EDA: variants seen among roughly 807,000 people sequenced by gnomAD.
EDA encodes ectodysplasin-A.
EDA carries 2 observed loss-of-function variants against 23.6 expected under a neutral mutation model. The observed-to-expected ratio is 0.08, with a 90% CI of 0.03 to 0.27. The LOEUF is 0.27. Ranked by LOEUF, EDA falls within the 10% of genes least tolerant of loss-of-function variation. The probability of loss-of-function intolerance (pLI) is 1.00; values close to 1 mark genes in which losing one functional copy is unlikely to be tolerated. For synonymous variants in EDA, 131 were observed against 132.0 expected (o/e 0.99, Z 0.05); for missense variants, 229 against 324.2 (o/e 0.71, Z 2.26).
At chrX:69,722,358 A>G (rs1375714919) in intron 1 of EDA, among the ~76,000 whole-genome samples, 1 of 109,472 alleles carries the variant, frequency 9.1e-6, no homozygotes, top group Non-Finnish European at 1.9e-5. Flanking sequence ...GGTGCCCACC[A>G]CCACGCCTGG....
Position 69,910,374 on chromosome X carries a change from A to AGAGAGAGT in EDA, c.397-46652_397-46651insAGAGAGTG, listed in dbSNP as rs1191245556. On this transcript the variant is annotated intron_variant, in intron 1 of 7. Coordinates refer to ENST00000374552, the MANE Select transcript of EDA (RefSeq NM_001399.5). Reference sequence around the variant, plus strand: ...AGGAGAGAGAGAGAGAGAGAGAGAGAGTGTGTGTGTGTGTGTGTGTGTGTG... The same window carrying AGAGAGAGT: ...AGGAGAGAGAGAGAGAGAGAGAGAGAGAGAGAGTGTGTGTGTGTGTGTGTGTGTGTGTG... Among the ~76,000 whole-genome samples, 237 of 41,757 alleles carry AGAGAGAGT rather than the reference A, an allele frequency of 5.7e-3. 3 individuals carry two copies. Among genetic ancestry groups the AGAGAGAGT allele is most frequent in the East Asian group, 0.033 (44 of 1,352 alleles). The allele number at this position is 41,757 out of a possible 115,157, so 36.3% of individuals were successfully genotyped here.
intron 1 of EDA, among the ~76,000 whole-genome samples, chrX:69,815,592 G>A (rs1347381821): frequency 1.8e-5 from 2 of 111,380 alleles, no homozygotes; most frequent in African/African-American, 6.5e-5. Flanking sequence ...TCTTTAATTG[G>A]GACCCCAATC....
intron 6 of EDA, 33 bp from the exon 7 acceptor site, chrX:70,033,365 T>C (rs1403327655): frequency 8.3e-7 from 1 of 1,210,919 alleles, no homozygotes; most frequent in Middle Eastern, 2.3e-4. Flanking sequence ...TATTCTGACA[T>C]GTACTGAGTG....
At chrX:69,757,693 T>C (rs918939955) in intron 1 of EDA, among the ~76,000 whole-genome samples, 3 of 112,346 alleles carry the variant, frequency 2.7e-5, no homozygotes, top group Non-Finnish European at 1.9e-5. Flanking sequence ...AGCTGAACTT[T>C]CATAACGAAG....
chrX:69,755,224 G>A (rs536061582), intron 1 of EDA, among the ~76,000 whole-genome samples: 9 of 111,775 alleles, frequency 8.1e-5, no homozygotes, highest in African/African-American at 2.3e-4. Context: ...TGATGGTGAC[G>A]TACAGATAGG....
intron 1 of EDA, among the ~76,000 whole-genome samples, chrX:69,635,238 T>C (rs913244586): frequency 1.8e-5 from 2 of 112,212 alleles, no homozygotes; most frequent in African/African-American, 3.2e-5. Flanking sequence ...GTGATCTCTT[T>C]TAAATTCATG....
intron 2 of EDA, among the ~76,000 whole-genome samples, chrX:70,015,812 A>G (rs749985100): frequency 8.9e-6 from 1 of 111,842 alleles, no homozygotes; most frequent in South Asian, 3.8e-4. Flanking sequence ...CAACTATACA[A>G]TCAAGTCTAC....
chrX:69,637,474 T>G (rs1302146284), intron 1 of EDA, among the ~76,000 whole-genome samples: 2 of 111,178 alleles, frequency 1.8e-5, no homozygotes, highest in Non-Finnish European at 3.8e-5. Flanking sequence ...ATTAATGAGA[T>G]TGGGTTCTGT....
chrX:69,663,272 G>A lies in EDA; in HGVS notation c.396+46568G>A, dbSNP rs1933571268. Among the ~76,000 whole-genome samples the A allele has an allele frequency of 5.4e-5, 6 of 111,817 alleles. No homozygotes were observed. In the South Asian group the frequency reaches 2.2e-3, roughly 41 times the overall value. On this transcript the variant is annotated intron_variant, in intron 1 of 7. Transcript: ENST00000374552. ...AGGCATAAGAGGAAAAATTGGTTTCGTGAGCCTGGGTCCAGGGATCCCCCT... is the reference window on the plus strand; with the variant it reads ...AGGCATAAGAGGAAAAATTGGTTTCATGAGCCTGGGTCCAGGGATCCCCCT...
rs2016911356 is a variant in EDA at position 69,842,246 on chromosome X, C to T, written c.397-114781C>T. Among the ~76,000 whole-genome samples the T allele has an allele frequency of 2.7e-5, 3 of 111,659 alleles. No homozygotes were observed. The South Asian group carries it at 1.1e-3, about 43-fold the overall frequency. On this transcript the variant is annotated intron_variant, in intron 1 of 7. Coordinates refer to ENST00000374552, the MANE Select transcript of EDA (RefSeq NM_001399.5). ...ATACGAGGGATCTAGGTTGCGTGCT[C>T]CTTATGAGAATCTAATGTCTGGTGA...
intron 1 of EDA, chrX:69,729,031 G>A (rs2012917372): frequency 9.0e-6 from 1 of 111,635 alleles, no homozygotes; most frequent in Non-Finnish European, 1.9e-5. Context: ...TTGATGCAGA[G>A]ATTCTTAGGA....
At chrX:69,787,899 C>G (rs1399751825) in intron 1 of EDA, among the ~76,000 whole-genome samples, 4 of 111,277 alleles carry the variant, frequency 3.6e-5, no homozygotes, top group East Asian at 2.8e-4. Flanking sequence ...TCCAACTTGG[C>G]TCCATTCTCC....
rs902189392 is a variant in EDA, at chrX:70,030,347, G to C, written c.742-122G>C. ...GTAGTCAGTAACATCCCAAGACAGG[G>C]GAGAGGGATCAGAATTGGATTACAA... On this transcript the variant is annotated intron_variant, in intron 5 of 7. Transcript: ENST00000374552. 6.5e-6 allele frequency: 4 copies of C among 616,694 alleles called. No individual in the cohort carries two copies. The African/African-American group carries it at 6.6e-5, about 10-fold the overall frequency. The allele number at this position is 616,694 out of a possible 1,213,427, so 50.8% of individuals were successfully genotyped here. A position where few individuals can be genotyped will look rare whatever the true frequency, so the allele number is the denominator to read the frequency against.
At chrX:69,745,775 G>A (rs751883602) in intron 1 of EDA, among the ~76,000 whole-genome samples, 2 of 111,420 alleles carry the variant, frequency 1.8e-5, no homozygotes, top group Non-Finnish European at 3.8e-5. Context: ...ATCACCAGAG[G>A]TCAGGGGTTT....
chrX:69,838,621 C>T (rs1476725903), intron 1 of EDA, among the ~76,000 whole-genome samples: 1 of 112,086 alleles, frequency 8.9e-6, no homozygotes, highest in Non-Finnish European at 1.9e-5. Flanking sequence ...AGCGAGACTC[C>T]GTCTCAAAAA....
chrX:69,626,064 A>G (rs1332236329), intron 1 of EDA, among the ~76,000 whole-genome samples: 1 of 111,599 alleles, frequency 9.0e-6, no homozygotes, highest in Non-Finnish European at 1.9e-5. Context: ...ACATGAAAAC[A>G]TGTTCGACAT....
intron 1 of EDA, among the ~76,000 whole-genome samples, chrX:69,789,030 A>G (rs1283338397): frequency 1.8e-5 from 2 of 112,381 alleles, no homozygotes; most frequent in African/African-American, 3.2e-5. Context: ...AAAGCGCAGT[A>G]TTCGGGTGGG....
chrX:69,860,576 G>A (rs2017360934), intron 1 of EDA, among the ~76,000 whole-genome samples: 1 of 111,423 alleles, frequency 9.0e-6, no homozygotes, highest in Non-Finnish European at 1.9e-5. Flanking sequence ...CTGGCTTATA[G>A]GGTTTCTGAG....
intron 1 of EDA, among the ~76,000 whole-genome samples, chrX:69,698,065 G>A (rs1249196199): frequency 9.0e-6 from 1 of 111,446 alleles, no homozygotes; most frequent in East Asian, 2.8e-4. Context: ...CATATATATG[G>A]GAGTGCGATA....
Sources: gnomAD v4.1 joint callset for allele counts (sites outside exome capture counted in the v4.1 genomes callset) on GRCh38, gnomAD v4.1.1 for gene constraint, MANE v1.5 for transcripts, NCBI Gene and HGNC (gene_info 2026-07-23, HGNC 2026-07-21) for gene names.